Variants in TANC2 observed in about 807,000 individuals in gnomAD.
TANC2 encodes protein TANC2.
Under a neutral mutation model 210.5 loss-of-function variants are expected in TANC2, and 26 were observed. The observed-to-expected ratio is 0.12, with a 90% CI of 0.09 to 0.17. The LOEUF (loss-of-function observed/expected upper bound fraction) is 0.17. TANC2 is among the 10% of genes least tolerant of loss of function. TANC2 has a pLI of 1.00. For synonymous variants in TANC2, 931 were observed against 967.1 expected, an observed-to-expected ratio of 0.96 and a Z score of 0.69; for missense variants, 2,129 against 2,608.9, an observed-to-expected ratio of 0.82 and a Z score of 4.01.
intron 11 of TANC2, among the ~76,000 whole-genome samples, chr17:63,331,457 A>G (rs2045838962): frequency 6.6e-6 from 1 of 152,244 alleles, no homozygotes; most frequent in Admixed American, 6.5e-5. Flanking sequence ...AGTGGACTTG[A>G]TAACAGTGAA....
At chr17:63,162,931 G>A (rs2145495879) in intron 5 of TANC2, among the ~76,000 whole-genome samples, 2 of 152,136 alleles carry the variant, frequency 1.3e-5, no homozygotes, top group South Asian at 4.1e-4. Context: ...CTTGTTAGCA[G>A]ACACGTTTAA....
At chr17:63,100,409 C>T (rs994089109) in intron 4 of TANC2, among the ~76,000 whole-genome samples, 9 of 151,772 alleles carry the variant, frequency 5.9e-5, no homozygotes, top group South Asian at 2.1e-4. Context: ...TCACTTTGGC[C>T]GTTAGATACT....
At chr17:63,136,828 A>AGGT (rs2039106971) in intron 4 of TANC2, among the ~76,000 whole-genome samples, 1 of 152,144 alleles carries the variant, frequency 6.6e-6, no homozygotes, top group African/African-American at 2.4e-5. Flanking sequence ...TTCTGACACA[A>AGGT]GGTATTCTGA....
intron 2 of TANC2, among the ~76,000 whole-genome samples, chr17:63,032,571 G>A (rs1159192932): frequency 1.3e-5 from 2 of 152,074 alleles, no homozygotes; most frequent in Non-Finnish European, 2.9e-5. Context: ...GAAAAGAATC[G>A]ACTGAACTAC....
At chr17:63,346,902 T>A in intron 12 of TANC2, among the ~76,000 whole-genome samples, 1 of 151,782 alleles carries the variant, frequency 6.6e-6, no homozygotes, top group Non-Finnish European at 1.5e-5. Flanking sequence ...ATGGGGGTCT[T>A]GCCATGTTGC....
At chr17:63,248,216 G>C (rs1274042372) in intron 8 of TANC2, among the ~76,000 whole-genome samples, 1 of 151,862 alleles carries the variant, frequency 6.6e-6, no homozygotes, top group African/African-American at 2.4e-5. Flanking sequence ...CTTTCTAATG[G>C]GTACATAGAA....
rs972936059 is a variant in TANC2, at chr17:63,420,804, G to T, written c.5074G>T (p.Ala1692Ser). The T allele has an allele frequency of 6.2e-7, 1 of 1,613,986 alleles. No individual in the cohort carries two copies. Among genetic ancestry groups the T allele is most frequent in the Non-Finnish European group, 8.5e-7 (1 of 1,179,878 alleles). Residue 1692 changes from alanine (A) to serine (S), a missense_variant, in exon 28 of 28, where the codon GCC becomes TCC. Transcript: ENST00000689528. This position sits in a 1 kb window ranked among gnomAD's most constrained non-coding sequence, Gnocchi z 4.2. ...CCAGCAAGGGCTCAGGCTACAGCCTGCCAAGGCCCAGATTGTGAGAAGTAA... is the reference window on the plus strand; with the variant it reads ...CCAGCAAGGGCTCAGGCTACAGCCTTCCAAGGCCCAGATTGTGAGAAGTAA...
intron 12 of TANC2, among the ~76,000 whole-genome samples, chr17:63,342,960 TA>T (rs2046287495): frequency 1.3e-5 from 2 of 152,218 alleles, no homozygotes; most frequent in Admixed American, 6.5e-5. Flanking sequence ...TCCATGTTTT[TA>T]ACTCACCCTT....
At chr17:63,192,165 C>T (rs1382496631) in intron 5 of TANC2, among the ~76,000 whole-genome samples, 1 of 152,134 alleles carries the variant, frequency 6.6e-6, no homozygotes, top group Non-Finnish European at 1.5e-5. Flanking sequence ...TTATAGAGTG[C>T]ACGACAGATA....
intron 3 of TANC2, among the ~76,000 whole-genome samples, chr17:63,094,808 C>A (rs1052059790): frequency 6.6e-6 from 1 of 152,128 alleles, no homozygotes; most frequent in Non-Finnish European, 1.5e-5. Context: ...CACCAGGTGT[C>A]CAGCATAACT....
At chr17:63,307,995 G>C (rs1302003679) in intron 9 of TANC2, among the ~76,000 whole-genome samples, 1 of 152,138 alleles carries the variant, frequency 6.6e-6, no homozygotes, top group Admixed American at 6.5e-5. Context: ...TCAATCTCCT[G>C]ACCTTGTGAT....
At chr17:63,318,287 TAAG>T (rs1327704149) in intron 10 of TANC2, among the ~76,000 whole-genome samples, 1 of 152,204 alleles carries the variant, frequency 6.6e-6, no homozygotes, top group Non-Finnish European at 1.5e-5. Flanking sequence ...ATGTTCTAAA[TAAG>T]AACAAATTGA....
intron 4 of TANC2, among the ~76,000 whole-genome samples, chr17:63,124,210 T>C (rs1434610909): frequency 6.6e-6 from 1 of 151,970 alleles, no homozygotes; most frequent in African/African-American, 2.4e-5. Flanking sequence ...AGCTCCAACT[T>C]AGACCTCTCT....
At chr17:63,371,997 C>G (rs2047282523) in intron 14 of TANC2, among the ~76,000 whole-genome samples, 1 of 152,100 alleles carries the variant, frequency 6.6e-6, no homozygotes, top group Admixed American at 6.5e-5. Flanking sequence ...TCCTGGATAC[C>G]ACCTTCTCTG....
In TANC2 at chr17:62,974,413, T is replaced by C. The variant is rs138221899; in HGVS notation, c.-24+7664T>C. ...TTTTTGCAATAAAAGATCATTGTTATATTTTTAAAAACCTTGATTTTGTAT... is the reference window on the plus strand; with the variant it reads ...TTTTTGCAATAAAAGATCATTGTTACATTTTTAAAAACCTTGATTTTGTAT... On this transcript the variant is annotated intron_variant, in intron 1 of 27. Coordinates refer to ENST00000689528, the Ensembl canonical transcript of TANC2. 2.6e-5 allele frequency among the ~76,000 whole-genome samples: 4 copies of C among 152,256 alleles called. No homozygotes were observed. The East Asian group carries it at 5.8e-4, about 22-fold the overall frequency.
chr17:63,205,978 C>A (rs1197488836), intron 7 of TANC2, among the ~76,000 whole-genome samples: 2 of 151,950 alleles, frequency 1.3e-5, no homozygotes, highest in African/African-American at 2.4e-5. Flanking sequence ...GATTAATATC[C>A]AAAATATATA....
exon 28 of TANC2, chr17:63,425,172 C>T (rs1453321126): frequency 6.6e-6 from 1 of 152,134 alleles, no homozygotes; most frequent in African/African-American, 2.4e-5. Flanking sequence ...GAGCACAAAC[C>T]CTTCTCGCTC....
intron 7 of TANC2, among the ~76,000 whole-genome samples, chr17:63,230,472 G>A (rs1478637231): frequency 2.6e-5 from 4 of 152,246 alleles, no homozygotes; most frequent in Middle Eastern, 3.4e-3. Flanking sequence ...AGAGATTCTG[G>A]TACATTGCCT....
chr17:63,237,117 T>G (rs1007533130), intron 7 of TANC2, among the ~76,000 whole-genome samples: 3 of 152,142 alleles, frequency 2.0e-5, no homozygotes, highest in Non-Finnish European at 2.9e-5. Flanking sequence ...ACGGTGTATA[T>G]GAGCATTCTC....
Sources: gnomAD v4.1 joint callset for allele counts (sites outside exome capture counted in the v4.1 genomes callset) on GRCh38, gnomAD v4.1.1 for gene constraint, Gnocchi (gnomAD v3.1) non-coding constraint, MANE v1.5 for transcripts, NCBI Gene and HGNC (gene_info 2026-07-23, HGNC 2026-07-21) for gene names.